PTPRT: variants seen among roughly 807,000 people sequenced by gnomAD.
PTPRT encodes receptor-type tyrosine-protein phosphatase T.
Under a neutral mutation model 176.8 loss-of-function variants are expected in PTPRT, and 56 were observed. The observed-to-expected ratio is 0.32, with a 90% CI of 0.26 to 0.40. The LOEUF (loss-of-function observed/expected upper bound fraction) is 0.40. Ranked by LOEUF, PTPRT falls within the 10% of genes least tolerant of loss-of-function variation. The pLI, the probability that PTPRT is intolerant of heterozygous loss-of-function variation, is 1.00. For synonymous variants in PTPRT, 783 were observed against 739.0 expected, an observed-to-expected ratio of 1.06 and a Z score of -0.96; for missense variants, 1,540 against 1,908.2, an observed-to-expected ratio of 0.81 and a Z score of 3.60.
At chr20:42,862,177 C>G (rs980396694) in intron 2 of PTPRT, among the ~76,000 whole-genome samples, 1 of 152,088 alleles carries the variant, frequency 6.6e-6, no homozygotes, top group African/African-American at 2.4e-5. Context: ...TCAGTTTGAA[C>G]TGGCCACATT....
At chr20:42,222,726 G>A (rs2055914037) in intron 15 of PTPRT, among the ~76,000 whole-genome samples, 1 of 152,182 alleles carries the variant, frequency 6.6e-6, no homozygotes, top group Non-Finnish European at 1.5e-5. Context: ...CACCCTATGT[G>A]TCTCTTCATC....
chr20:42,899,743 CATGAATGA>C (rs1253503305), intron 1 of PTPRT, among the ~76,000 whole-genome samples: 2 of 152,156 alleles, frequency 1.3e-5, no homozygotes, highest in South Asian at 4.1e-4. Context: ...TTTAAATGCT[CATGAATGA>C]ATGAATGAAA....
At chr20:42,478,114 G>T (rs536678550) in intron 7 of PTPRT, among the ~76,000 whole-genome samples, 17 of 152,344 alleles carry the variant, frequency 1.1e-4, no homozygotes, top group African/African-American at 3.6e-4. Flanking sequence ...AAGGATGGCT[G>T]TCTGGGGGCA....
intron 1 of PTPRT, among the ~76,000 whole-genome samples, chr20:43,134,576 C>T (rs1038649549): frequency 6.6e-6 from 1 of 152,154 alleles, no homozygotes; most frequent in Non-Finnish European, 1.5e-5. Flanking sequence ...ATGCTGTATT[C>T]GGAGTTGAGC....
Position 42,777,866 on chromosome 20 carries a change from A to T in PTPRT, c.568+2352T>A, listed in dbSNP as rs577681182. ...GTATTTGTCCATATAGTTAAGTGAAATTTTTTCCAATTCCAGCCACTCCTA... is the reference window on the plus strand; with the variant it reads ...GTATTTGTCCATATAGTTAAGTGAATTTTTTTCCAATTCCAGCCACTCCTA... On this transcript the variant is annotated intron_variant, in intron 4 of 30. Coordinates refer to ENST00000373187, the MANE Select transcript of PTPRT (RefSeq NM_007050.6). Among the ~76,000 whole-genome samples, 45 of 152,208 alleles carry T rather than the reference A, an allele frequency of 3.0e-4. 1 individual carries two copies. Among genetic ancestry groups the T allele is most frequent in the African/African-American group, 1.0e-3 (42 of 41,538 alleles).
At chr20:42,777,251 G>C (rs1193523264) in intron 4 of PTPRT, among the ~76,000 whole-genome samples, 1 of 152,224 alleles carries the variant, frequency 6.6e-6, no homozygotes, top group Non-Finnish European at 1.5e-5. Flanking sequence ...CCAAAGTCCA[G>C]GCTTTCCTGC....
rs2074329251 is a variant in PTPRT at position 42,628,076 on chromosome 20, C to T, written c.1153+49790G>A. 2.0e-5 allele frequency among the ~76,000 whole-genome samples: 3 copies of T among 152,254 alleles called. No homozygotes were observed. The South Asian group carries it at 6.2e-4, about 32-fold the overall frequency. ...GGAGCCATCACAGCCCCCACCCCAT[C>T]TGGACATTAACAAGACACACAGGGT... is the stretch of plus-strand genomic sequence containing the variant. On this transcript the variant is annotated intron_variant, in intron 7 of 30. Transcript: ENST00000373187.
chr20:42,286,596 A>T (rs1286482340), intron 12 of PTPRT, among the ~76,000 whole-genome samples: 1 of 151,900 alleles, frequency 6.6e-6, no homozygotes, highest in Non-Finnish European at 1.5e-5. Context: ...AATGGATAAG[A>T]GACATAAATG....
chr20:43,169,318 T>C (rs946648896), intron 1 of PTPRT, among the ~76,000 whole-genome samples: 16 of 152,358 alleles, frequency 1.1e-4, no homozygotes, highest in Middle Eastern at 3.4e-3. Flanking sequence ...CACATCTATT[T>C]TTTCTCCTCC....
intron 16 of PTPRT, among the ~76,000 whole-genome samples, chr20:42,197,597 T>C (rs1218881429): frequency 2.6e-5 from 4 of 151,948 alleles, no homozygotes; most frequent in Non-Finnish European, 5.9e-5. Context: ...ATCACTGAAG[T>C]AAGGTTATAC....
intron 13 of PTPRT, among the ~76,000 whole-genome samples, chr20:42,275,262 A>G (rs1292265500): frequency 2.0e-5 from 3 of 152,316 alleles, no homozygotes; most frequent in South Asian, 4.1e-4. Flanking sequence ...AAAATATCCA[A>G]TAGAGCTTTA....
chr20:43,160,681 C>A (rs1226316675), intron 1 of PTPRT, among the ~76,000 whole-genome samples: 3 of 152,000 alleles, frequency 2.0e-5, no homozygotes, highest in African/African-American at 7.3e-5. Flanking sequence ...TTTTTTTAAT[C>A]TACAGTGTTT....
chr20:42,478,953 C>A (rs148799315), intron 7 of PTPRT, among the ~76,000 whole-genome samples: 1 of 152,060 alleles, frequency 6.6e-6, no homozygotes, highest in Non-Finnish European at 1.5e-5. Context: ...CCAAGCCACC[C>A]GAATTTAGGT....
At chr20:42,866,692 A>G (rs138305865) in intron 2 of PTPRT, among the ~76,000 whole-genome samples, 1 of 152,096 alleles carries the variant, frequency 6.6e-6, no homozygotes, top group African/African-American at 2.4e-5. Context: ...TTCTCATCAC[A>G]TCTCATCCTA....
At chr20:42,946,230 A>G (rs1402664380) in intron 1 of PTPRT, among the ~76,000 whole-genome samples, 1 of 152,158 alleles carries the variant, frequency 6.6e-6, no homozygotes, top group Non-Finnish European at 1.5e-5. Context: ...CAGGTGGGCA[A>G]TCCCTGGGGG....
chr20:42,591,166 A>G (rs1876099789), intron 7 of PTPRT, among the ~76,000 whole-genome samples: 1 of 152,196 alleles, frequency 6.6e-6, no homozygotes. Flanking sequence ...GGAAGTATCT[A>G]AAGTCTTTTT....
At chr20:42,054,989 C>T in the PTPRT span, among the ~76,000 whole-genome samples, 13 of 152,248 alleles carry the variant, frequency 8.5e-5, no homozygotes, top group African/African-American at 2.2e-4. Context: ...GTTCTCTAGA[C>T]GACGAGTTAG....
intron 1 of PTPRT, among the ~76,000 whole-genome samples, chr20:43,092,112 T>C (rs79504582): frequency 6.6e-5 from 10 of 152,258 alleles, no homozygotes; most frequent in Non-Finnish European, 1.2e-4. Flanking sequence ...AGTGGTTTAT[T>C]TGGGGAAGTG....
At chr20:42,750,660 T>C (rs1191200550) in intron 6 of PTPRT, among the ~76,000 whole-genome samples, 1 of 152,190 alleles carries the variant, frequency 6.6e-6, no homozygotes, top group East Asian at 1.9e-4. Flanking sequence ...CATAATAGGT[T>C]GTTAAATGGA....
Sources: gnomAD v4.1 joint callset for allele counts (sites outside exome capture counted in the v4.1 genomes callset) on GRCh38, gnomAD v4.1.1 for gene constraint, MANE v1.5 for transcripts, NCBI Gene and HGNC (gene_info 2026-07-23, HGNC 2026-07-21) for gene names.